The following SCML4 variants were observed in gnomAD, a reference collection of about 807,000 sequenced individuals.
The protein encoded by SCML4 is sex comb on midleg-like protein 4.
Under a neutral mutation model 41.1 loss-of-function variants are expected in SCML4, and 34 were observed. That is an observed-to-expected ratio of 0.83 (90% CI 0.63 to 1.10). The LOEUF (loss-of-function observed/expected upper bound fraction) is 1.10, where lower values mean the gene tolerates loss of function less well. Ranked by LOEUF, SCML4 falls within the 50% of genes least tolerant of loss-of-function variation. SCML4 has a pLI of 0.00. For synonymous variants in SCML4, 214 were observed against 220.9 expected (o/e 0.97, Z 0.28); for missense variants, 522 against 534.1 (o/e 0.98, Z 0.22).
chr6:107,840,263 T>C, the SCML4 span, among the ~76,000 whole-genome samples: 1 of 152,224 alleles, frequency 6.6e-6, no homozygotes, highest in African/African-American at 2.4e-5. Flanking sequence ...CCTTCAGGGC[T>C]CAAGTTCATT....
chr6:107,782,741 C>T (rs937586193), intron 1 of SCML4, among the ~76,000 whole-genome samples: 1 of 151,036 alleles, frequency 6.6e-6, no homozygotes, highest in Admixed American at 6.6e-5. Flanking sequence ...TCTGAGTTTG[C>T]CTGATGGGAG....
intron 1 of SCML4, among the ~76,000 whole-genome samples, chr6:107,791,726 G>C (rs1022975676): frequency 4.6e-5 from 7 of 152,212 alleles, no homozygotes; most frequent in Non-Finnish European, 8.8e-5. Flanking sequence ...AGCCAAGGCA[G>C]AAAGATCACT....
upstream of SCML4, among the ~76,000 whole-genome samples, chr6:107,826,060 A>G (rs556264461): frequency 6.6e-5 from 10 of 151,928 alleles, no homozygotes; most frequent in South Asian, 1.9e-3. Context: ...ACTGGCCAAC[A>G]TGGTGAAACC....
chr6:107,703,527 A>G lies in SCML4; in HGVS notation c.*1673T>C, dbSNP rs1583346839. Among the ~76,000 whole-genome samples, 3 of 152,164 alleles carry G rather than the reference A, an allele frequency of 2.0e-5. No homozygotes were observed. In the East Asian group the frequency reaches 5.8e-4, roughly 29 times the overall value. ...TGGGCCTAACGGCATGGCATGGACTATTTCTTATGGCCTTCATCTGGATTC... is the reference window on the plus strand; with the variant it reads ...TGGGCCTAACGGCATGGCATGGACTGTTTCTTATGGCCTTCATCTGGATTC... On this transcript the variant is annotated 3_prime_UTR_variant, in exon 8 of 8. Coordinates refer to ENST00000369020, the MANE Select transcript of SCML4 (RefSeq NM_198081.5).
rs886983036 is a variant in SCML4 at position 107,707,913 on chromosome 6, C to T, written c.1072G>A (p.Ala358Thr). The T allele has an allele frequency of 4.5e-6, 7 of 1,551,570 alleles. No homozygotes were observed. The highest frequency in any genetic ancestry group is 2.4e-5 in the South Asian group (2 of 84,068). The change falls in exon 7 of 8, where the codon GCC (alanine) becomes ACC (threonine). Residue 358 changes from alanine to threonine, a missense_variant. Coordinates refer to ENST00000369020, the MANE Select transcript of SCML4 (RefSeq NM_198081.5). ...VEDVVWFVKD[A>T]DPQALGPHVE... is the part of the protein sequence containing the mutation. ...TGAGGCCCCAGAGCCTGTGGGTCGGCGTCCTTCACAAACCACACCACGTCC... is the reference window on the plus strand; with the variant it reads ...TGAGGCCCCAGAGCCTGTGGGTCGGTGTCCTTCACAAACCACACCACGTCC...
the SCML4 span, among the ~76,000 whole-genome samples, chr6:107,839,079 C>T: frequency 3.3e-4 from 50 of 152,134 alleles, no homozygotes; most frequent in Non-Finnish European, 4.9e-4. Flanking sequence ...GCAGGAGGAT[C>T]GCTTGAGGCC....
intron 1 of SCML4, among the ~76,000 whole-genome samples, chr6:107,798,941 T>C (rs957967596): frequency 2.0e-5 from 3 of 152,138 alleles, no homozygotes; most frequent in Admixed American, 2.0e-4. Context: ...ACACTCTGTA[T>C]GATCTCAGTC....
intron 1 of SCML4, among the ~76,000 whole-genome samples, chr6:107,789,279 G>A (rs1285998851): frequency 6.6e-6 from 1 of 152,150 alleles, no homozygotes; most frequent in Admixed American, 6.5e-5. Flanking sequence ...ACACTAAGCA[G>A]AGCACAGGGA....
At chr6:107,750,940 T>C (rs1778560604) in intron 2 of SCML4, among the ~76,000 whole-genome samples, 2 of 152,210 alleles carry the variant, frequency 1.3e-5, no homozygotes, top group Admixed American at 6.5e-5. Flanking sequence ...ATTTTTAGGA[T>C]AGAATACTAA....
intron 1 of SCML4, among the ~76,000 whole-genome samples, chr6:107,817,893 C>T (rs1026415741): frequency 4.6e-5 from 7 of 152,172 alleles, no homozygotes; most frequent in Non-Finnish European, 1.0e-4. Context: ...AAGCAACACA[C>T]GGTTGTACAG....
chr6:107,756,373 CT>C (rs1779113521), intron 2 of SCML4, among the ~76,000 whole-genome samples: 1 of 152,184 alleles, frequency 6.6e-6, no homozygotes, highest in Non-Finnish European at 1.5e-5. Flanking sequence ...CCCCCTAACC[CT>C]AGTCTAATCA....
intron 6 of SCML4, chr6:107,719,651 G>A (rs12215347): frequency 0.54 from 82,305 of 152,446 alleles, 24,289 homozygotes; most frequent in Middle Eastern, 0.72. Context: ...TTGAGCTCTT[G>A]TTACCTCCTA....
chr6:107,722,310 T>C (rs1337879501), intron 5 of SCML4, among the ~76,000 whole-genome samples: 1 of 152,148 alleles, frequency 6.6e-6, no homozygotes, highest in African/African-American at 2.4e-5. Flanking sequence ...GAGCTACACC[T>C]GTGGCCGAAT....
At chr6:107,709,630 C>T (rs1008889537) in intron 6 of SCML4, among the ~76,000 whole-genome samples, 3 of 152,232 alleles carry the variant, frequency 2.0e-5, no homozygotes, top group Non-Finnish European at 4.4e-5. Flanking sequence ...TCATGTTCCA[C>T]CTGATGCCTT....
chr6:107,774,046 T>C (rs1850654), intron 1 of SCML4, among the ~76,000 whole-genome samples: 31,676 of 152,190 alleles, frequency 0.21, 3,924 homozygotes, highest in African/African-American at 0.34. Context: ...CTATCAATAA[T>C]CTTGATTGTT....
Position 107,716,009 on chromosome 6 carries a change from G to T in SCML4, c.973+4694C>A, listed in dbSNP as rs1774750025. Among the ~76,000 whole-genome samples, 5 of 152,088 alleles carry T rather than the reference G, an allele frequency of 3.3e-5. No individual in the cohort carries two copies. In the South Asian group the frequency reaches 8.3e-4, roughly 25 times the overall value. On this transcript the variant is annotated intron_variant, in intron 6 of 7. Coordinates refer to ENST00000369020, the MANE Select transcript of SCML4 (RefSeq NM_198081.5). Reference sequence around the variant, plus strand: ...CATTTGGGTGGGAGGGTGGGGTGTGGGGGGACCCACAGCAGGCACTAGGCT... The same window carrying T: ...CATTTGGGTGGGAGGGTGGGGTGTGTGGGGACCCACAGCAGGCACTAGGCT...
At chr6:107,737,147 C>A (rs1054631101) in intron 5 of SCML4, among the ~76,000 whole-genome samples, 5 of 152,154 alleles carry the variant, frequency 3.3e-5, no homozygotes, top group Non-Finnish European at 7.3e-5. Context: ...CTGCTGGGGA[C>A]CCCCAGGTCT....
At chr6:107,778,222 AATATATATATAT>A (rs1163805768) in intron 1 of SCML4, among the ~76,000 whole-genome samples, 159 of 15,200 alleles carry the variant, frequency 0.01, no homozygotes, top group Admixed American at 0.018. Flanking sequence ...AAAAAAAAAA[AATATATATATAT>A]ATATATATAT....
At chr6:107,831,703 G>C in the SCML4 span, among the ~76,000 whole-genome samples, 1 of 152,186 alleles carries the variant, frequency 6.6e-6, no homozygotes, top group Non-Finnish European at 1.5e-5. Flanking sequence ...CAGATTACTT[G>C]CAGTCAGGAG....
Sources: gnomAD v4.1 joint callset for allele counts (sites outside exome capture counted in the v4.1 genomes callset) on GRCh38, gnomAD v4.1.1 for gene constraint, MANE v1.5 for transcripts, NCBI Gene and HGNC (gene_info 2026-07-23, HGNC 2026-07-21) for gene names.